Variants in SNAP91 observed in about 807,000 individuals in gnomAD.
SNAP91 encodes the protein clathrin coat assembly protein AP180.
In SNAP91, 27 loss-of-function variants were observed where a neutral mutation model predicts 100.3. That is an observed-to-expected ratio of 0.27 (90% CI 0.20 to 0.37). The LOEUF (loss-of-function observed/expected upper bound fraction) is 0.37. Ranked by LOEUF, SNAP91 falls within the 10% of genes least tolerant of loss-of-function variation. SNAP91 has a pLI of 1.00. For synonymous variants in SNAP91, 404 were observed against 398.6 expected (o/e 1.01, Z -0.16); for missense variants, 986 against 1,123.7 (o/e 0.88, Z 1.75).
At chr6:83,565,004 T>C (rs1173832574) in intron 26 of SNAP91, among the ~76,000 whole-genome samples, 1 of 150,814 alleles carries the variant, frequency 6.6e-6, no homozygotes, top group Non-Finnish European at 1.5e-5. Flanking sequence ...TGGCAAATCA[T>C]TTATCTGATA....
At chr6:83,673,027 A>G (rs1401438610) in intron 2 of SNAP91, among the ~76,000 whole-genome samples, 1 of 152,206 alleles carries the variant, frequency 6.6e-6, no homozygotes, top group Non-Finnish European at 1.5e-5. Context: ...ACTACAGACC[A>G]AAGTCCAAGG....
At chr6:83,650,221 T>C (rs1180940439) in intron 7 of SNAP91, among the ~76,000 whole-genome samples, 1 of 152,212 alleles carries the variant, frequency 6.6e-6, no homozygotes, top group Non-Finnish European at 1.5e-5. Context: ...CATTTTCAAT[T>C]TGCAATTGCA....
Position 83,662,402 on chromosome 6 carries a change from A to G in SNAP91, c.294T>C (p.Ala98=). 7.2e-7 allele frequency: 1 copy of G among 1,391,130 alleles called. No individual in the cohort carries two copies. Among genetic ancestry groups the G allele is most frequent in the Admixed American group, 2.5e-5 (1 of 40,726 alleles). The allele number at this position is 1,391,130 out of a possible 1,614,324, so 86.2% of individuals were successfully genotyped here. A position where few individuals can be genotyped will look rare whatever the true frequency, so the allele number is the denominator to read the frequency against. ...TGAGATTGAATAGTGTATTTCTAGAAGCCAAATATTGAATAAATCTCTGAA... is the reference window on the plus strand; with the variant it reads ...TGAGATTGAATAGTGTATTTCTAGAGGCCAAATATTGAATAAATCTCTGAA... ...HGNERFIQYL[A]SRNTLFNLSN... The change falls in exon 4 of 30, where the codon GCT becomes GCC. Residue 98 remains alanine (A), a synonymous_variant. Transcript: ENST00000369694.
chr6:83,666,827 T>C (rs565987454), intron 2 of SNAP91, among the ~76,000 whole-genome samples: 3 of 152,162 alleles, frequency 2.0e-5, no homozygotes, highest in South Asian at 2.1e-4. Context: ...TCAGGAAGTC[T>C]TTCCTGGCCC....
intron 7 of SNAP91, among the ~76,000 whole-genome samples, chr6:83,652,237 G>A (rs2098239114): frequency 3.3e-5 from 5 of 151,986 alleles, no homozygotes; most frequent in Admixed American, 3.3e-4. Context: ...TACCATATTT[G>A]TTACTATTTT....
Position 83,560,134 on chromosome 6 carries a change from G to A in SNAP91, c.2601C>T (p.Pro867=). ...TGCCAGGTACAGCGGCAGCTCCAAA[G>A]GGGGGCCTCATCATGGGCTGTGCAA... ...VMFAQPMMRP[P]FGAAAVPGTQ... The change falls in exon 28 of 30, where the codon CCC becomes CCT. Residue 867 remains proline, a synonymous_variant. Transcript: ENST00000369694. The A allele has an allele frequency of 6.2e-7, 1 of 1,613,844 alleles. No individual in the cohort carries two copies. The highest frequency in any genetic ancestry group is 8.5e-7 in the Non-Finnish European group (1 of 1,179,816).
chr6:83,702,083 C>G (rs1310054580), intron 2 of SNAP91, among the ~76,000 whole-genome samples: 1 of 152,158 alleles, frequency 6.6e-6, no homozygotes, highest in Admixed American at 6.5e-5. Flanking sequence ...CATTCCCCTT[C>G]ATAAATAAAC....
intron 2 of SNAP91, among the ~76,000 whole-genome samples, chr6:83,686,438 A>G (rs2099061656): frequency 6.6e-6 from 1 of 152,222 alleles, no homozygotes; most frequent in South Asian, 2.1e-4. Flanking sequence ...ATTCAAATTT[A>G]AACATTAAGG....
At chr6:83,697,625 T>A (rs1268384206) in intron 2 of SNAP91, among the ~76,000 whole-genome samples, 1 of 152,186 alleles carries the variant, frequency 6.6e-6, no homozygotes, top group Non-Finnish European at 1.5e-5. Flanking sequence ...TGTCAGGAAA[T>A]ACACATTAAT....
chr6:83,647,597 C>G (rs2097992968), intron 7 of SNAP91, among the ~76,000 whole-genome samples: 1 of 151,962 alleles, frequency 6.6e-6, no homozygotes, highest in African/African-American at 2.4e-5. Context: ...AATATTTCAT[C>G]GAGGATTTTT....
At chr6:83,570,163 G>C (rs1348927781) in intron 26 of SNAP91, among the ~76,000 whole-genome samples, 1 of 152,060 alleles carries the variant, frequency 6.6e-6, no homozygotes, top group Non-Finnish European at 1.5e-5. Flanking sequence ...GAGTGAAGGT[G>C]ATTCTTGTTA....
chr6:83,620,639 G>C (rs183056649), intron 9 of SNAP91, among the ~76,000 whole-genome samples: 2 of 151,960 alleles, frequency 1.3e-5, no homozygotes, highest in Non-Finnish European at 2.9e-5. Flanking sequence ...AGAAACCACA[G>C]TATTAAGAAA....
At chr6:83,645,819 CCA>C (rs2128597223) in intron 7 of SNAP91, among the ~76,000 whole-genome samples, 1 of 152,250 alleles carries the variant, frequency 6.6e-6, no homozygotes, top group East Asian at 1.9e-4. Flanking sequence ...CCACTGCACT[CCA>C]GTCTGGGAGA....
At chr6:83,569,006 G>C (rs1801849950) in intron 26 of SNAP91, among the ~76,000 whole-genome samples, 1 of 152,140 alleles carries the variant, frequency 6.6e-6, no homozygotes, top group Admixed American at 6.5e-5. Flanking sequence ...AGCTGAAATA[G>C]TTCCCTCAGA....
rs577732611 is a variant in SNAP91, at chr6:83,573,030, GT to G, written c.2442+1979del. 8.5e-5 allele frequency among the ~76,000 whole-genome samples: 13 copies of G among 152,298 alleles called. No individual in the cohort carries two copies. The South Asian group carries it at 2.7e-3, about 32-fold the overall frequency. ...GCTGGAGTGCTACTTGCACAAGAGA[GT>G]TTTTCTAAGAAAGTAGTGGGAAAGT... On this transcript the variant is annotated intron_variant, in intron 26 of 29. Coordinates refer to ENST00000369694, the MANE Select transcript of SNAP91 (RefSeq NM_001242792.2).
At chr6:83,596,124 A>G (rs1424970440) in intron 16 of SNAP91, among the ~76,000 whole-genome samples, 1 of 152,178 alleles carries the variant, frequency 6.6e-6, no homozygotes, top group Non-Finnish European at 1.5e-5. Context: ...GCAATATCAT[A>G]GCTCACTATA....
chr6:83,602,954 T>C (rs1253806001), intron 14 of SNAP91, among the ~76,000 whole-genome samples: 3 of 152,190 alleles, frequency 2.0e-5, no homozygotes, highest in South Asian at 2.1e-4. Context: ...TGTATACCTA[T>C]GTAACAAACA....
In SNAP91 at chr6:83,680,907, C is replaced by T. The variant is rs75442260; in HGVS notation, c.131-15326G>A. On this transcript the variant is annotated intron_variant, in intron 2 of 29. Coordinates refer to ENST00000369694, the MANE Select transcript of SNAP91 (RefSeq NM_001242792.2). ...ATTGAAGTTGGGCTGCAGTAGGACC[C>T]CGGGGAAACTGTCCCAGCTTGTGAT... Among the ~76,000 whole-genome samples the T allele has an allele frequency of 4.3e-3, 647 of 152,184 alleles. 6 individuals are homozygous for T. Among genetic ancestry groups the T allele is most frequent in the African/African-American group, 0.015 (604 of 41,524 alleles).
At chr6:83,580,929 C>G (rs1273297142) in intron 23 of SNAP91, among the ~76,000 whole-genome samples, 1 of 152,184 alleles carries the variant, frequency 6.6e-6, no homozygotes, top group African/African-American at 2.4e-5. Flanking sequence ...TTTTAGTTTT[C>G]TCATCTGTAA....
Sources: allele counts gnomAD v4.1 joint callset (sites outside exome capture counted in the v4.1 genomes callset), GRCh38; gene constraint gnomAD v4.1.1; transcripts MANE v1.5; gene names NCBI Gene and HGNC (gene_info 2026-07-23, HGNC 2026-07-21).